Variants in ELMO1 observed in about 807,000 individuals in gnomAD.
ELMO1 encodes engulfment and cell motility protein 1.
ELMO1 carries 26 observed loss-of-function variants against 98.9 expected under a neutral mutation model. That is an observed-to-expected ratio of 0.26 (90% CI 0.19 to 0.36). ELMO1 has a LOEUF of 0.36. Ranked by LOEUF, ELMO1 falls within the 10% of genes least tolerant of loss-of-function variation. The pLI is 1.00. For missense variants in ELMO1, 627 were observed against 935.2 expected (o/e 0.67, Z 4.30); for synonymous variants, 346 against 346.0 (o/e 1.00, Z 0.00).
intron 15 of ELMO1, among the ~76,000 whole-genome samples, chr7:37,085,107 A>G (rs944534074): frequency 6.6e-6 from 1 of 152,118 alleles, no homozygotes; most frequent in Non-Finnish European, 1.5e-5. Context: ...AGGCTGGGAG[A>G]CCTGATTGGC....
At chr7:36,916,833 C>A (rs144564686) in intron 16 of ELMO1, among the ~76,000 whole-genome samples, 405 of 152,364 alleles carry the variant, frequency 2.7e-3, no homozygotes, top group African/African-American at 9.2e-3. Context: ...ATCAGCCTCA[C>A]ATTTTCCTAG....
intron 16 of ELMO1, among the ~76,000 whole-genome samples, chr7:36,942,516 G>A (rs1490291865): frequency 1.3e-5 from 2 of 152,216 alleles, no homozygotes; most frequent in African/African-American, 4.8e-5. Flanking sequence ...CACCCTCTGA[G>A]GAGGCTTATG....
At chr7:36,889,304 G>T (rs1049480505) in intron 17 of ELMO1, among the ~76,000 whole-genome samples, 4 of 152,134 alleles carry the variant, frequency 2.6e-5, no homozygotes, top group Non-Finnish European at 5.9e-5. Context: ...GTCTCTTAGG[G>T]TCTCATTTCA....
chr7:36,904,476 CT>C (rs1276414968), intron 16 of ELMO1, among the ~76,000 whole-genome samples: 2 of 152,064 alleles, frequency 1.3e-5, no homozygotes, highest in Non-Finnish European at 2.9e-5. Context: ...TGTTAGCCCC[CT>C]AAATAACTAG....
chr7:37,313,723 G>C (rs1440992649), intron 4 of ELMO1, among the ~76,000 whole-genome samples: 1 of 152,090 alleles, frequency 6.6e-6, no homozygotes, highest in Non-Finnish European at 1.5e-5. Context: ...GGAGTCCTAA[G>C]GGGAAGTAGA....
At chr7:37,327,070 A>C (rs920315952) in intron 2 of ELMO1, among the ~76,000 whole-genome samples, 2 of 152,234 alleles carry the variant, frequency 1.3e-5, no homozygotes, top group African/African-American at 4.8e-5. Flanking sequence ...CAGCAACAAC[A>C]ACCACTTTCC....
chr7:37,375,807 C>A lies in ELMO1; in HGVS notation c.-73-33044G>T, dbSNP rs528559138. 6.7e-5 allele frequency: 58 copies of A among 869,338 alleles called. 1 individual carries two copies. In the South Asian group the frequency reaches 7.9e-4, roughly 12 times the overall value. 53.9% of individuals were successfully genotyped at this position (869,338 alleles called of 1,614,324 possible). On this transcript the variant is annotated intron_variant, in intron 1 of 21. Transcript: ENST00000310758. ...TGGAGACTGTGCCTGCCACTGTACA[C>A]TGCAGCCGTCCAGAGACTGGCAGGC...
intron 16 of ELMO1, among the ~76,000 whole-genome samples, chr7:36,963,447 T>C (rs1789143079): frequency 6.6e-6 from 1 of 151,856 alleles, no homozygotes; most frequent in African/African-American, 2.4e-5. Flanking sequence ...TGTCTTGATG[T>C]GAAAAGAAGT....
At chr7:37,233,258 G>C in intron 7 of ELMO1, 64 bp from the exon 8 acceptor site, 1 of 1,432,794 alleles carries the variant, frequency 7.0e-7, no homozygotes, top group African/African-American at 1.4e-5. Context: ...ACAGAAGCAA[G>C]AAAGTTCTGG....
intron 16 of ELMO1, among the ~76,000 whole-genome samples, chr7:36,999,413 C>A (rs1208001372): frequency 1.3e-5 from 2 of 152,184 alleles, no homozygotes; most frequent in Non-Finnish European, 2.9e-5. Flanking sequence ...GACGATCAGT[C>A]TCTAGACGAA....
intron 1 of ELMO1, among the ~76,000 whole-genome samples, chr7:37,432,737 C>A (rs545306708): frequency 8.5e-5 from 13 of 152,334 alleles, no homozygotes; most frequent in African/African-American, 3.1e-4. Context: ...CACCCACAGG[C>A]ACTGGGGAGG....
intron 1 of ELMO1, among the ~76,000 whole-genome samples, chr7:37,389,607 A>G (rs1242623386): frequency 1.3e-5 from 2 of 152,216 alleles, no homozygotes; most frequent in Non-Finnish European, 2.9e-5. Flanking sequence ...CAAACCTTCC[A>G]TCCTGCCACA....
At chr7:36,913,029 C>T (rs566987354) in intron 16 of ELMO1, among the ~76,000 whole-genome samples, 1 of 152,168 alleles carries the variant, frequency 6.6e-6, no homozygotes, top group African/African-American at 2.4e-5. Context: ...ATCTCCAAAG[C>T]ACTTATTAGC....
Position 37,013,426 on chromosome 7 carries a change from G to T in ELMO1, c.1310C>A (p.Thr437Asn). The part of the protein sequence containing the change: ...ILKVGELPSE[T>N]CNDFHPMFFT... ...GAACATCGGGTGGAAGTCGTTGCAG[G>T]TCTCACTAGCTGGAGGAAAGAGATG... The change falls in exon 16 of 22, where the codon ACC becomes AAC. Residue 437 changes from threonine (T) to asparagine (N), a missense_variant. Around this residue, in one of 3 missense-constraint regions of ELMO1, gnomAD observed 492 missense variants for 715.6 expected, o/e 0.69. Transcript: ENST00000310758. 2 of 1,614,020 alleles carry T rather than the reference G, an allele frequency of 1.2e-6. No homozygotes were observed. Among genetic ancestry groups the T allele is most frequent in the Non-Finnish European group, 1.7e-6 (2 of 1,179,958 alleles).
At chr7:36,915,263 A>G (rs1369954553) in intron 16 of ELMO1, among the ~76,000 whole-genome samples, 1 of 152,188 alleles carries the variant, frequency 6.6e-6, no homozygotes, top group East Asian at 1.9e-4. Flanking sequence ...AATCAGCCCT[A>G]CTAATAAAAG....
At chr7:37,065,076 T>C (rs973094189) in intron 15 of ELMO1, among the ~76,000 whole-genome samples, 10 of 152,166 alleles carry the variant, frequency 6.6e-5, no homozygotes, top group Middle Eastern at 3.4e-3. Flanking sequence ...AACACCACCA[T>C]GAACAAAAAC....
At chr7:37,147,824 A>C (rs1788087457) in intron 13 of ELMO1, among the ~76,000 whole-genome samples, 1 of 144,800 alleles carries the variant, frequency 6.9e-6, no homozygotes, top group African/African-American at 2.6e-5. Flanking sequence ...GGCATGTCAG[A>C]AAAGTTGGAA....
intron 5 of ELMO1, among the ~76,000 whole-genome samples, chr7:37,261,091 T>C (rs1198627841): frequency 1.3e-5 from 2 of 151,968 alleles, no homozygotes; most frequent in Non-Finnish European, 2.9e-5. Context: ...TTATTAATGC[T>C]AATAGTGTTT....
chr7:37,400,378 A>T (rs967794521), intron 1 of ELMO1, among the ~76,000 whole-genome samples: 3 of 150,052 alleles, frequency 2.0e-5, no homozygotes, highest in South Asian at 2.1e-4. Context: ...TTCAAAATTT[A>T]AAAAAAAAGT....
Sources: gnomAD v4.1 joint callset for allele counts (sites outside exome capture counted in the v4.1 genomes callset) on GRCh38, gnomAD v4.1.1 for gene constraint, gnomAD v4.1.1 regional missense constraint, MANE v1.5 for transcripts, NCBI Gene and HGNC (gene_info 2026-07-23, HGNC 2026-07-21) for gene names.